The following ZNF800 variants were observed in gnomAD, a reference collection of about 807,000 sequenced individuals.
The protein encoded by ZNF800 is zinc finger protein 800.
ZNF800 carries 13 observed loss-of-function variants against 59.5 expected under a neutral mutation model. That is an observed-to-expected ratio of 0.22 (90% CI 0.14 to 0.35). The LOEUF (loss-of-function observed/expected upper bound fraction) is 0.35. ZNF800 is among the 10% of genes least tolerant of loss of function. The pLI, the probability that ZNF800 is intolerant of heterozygous loss-of-function variation, is 1.00. For synonymous variants in ZNF800, 266 were observed against 265.7 expected, an observed-to-expected ratio of 1.00 and a Z score of -0.01; for missense variants, 621 against 783.7, an observed-to-expected ratio of 0.79 and a Z score of 2.48.
intron 2 of ZNF800, among the ~76,000 whole-genome samples, chr7:127,389,610 G>A (rs906946252): frequency 3.9e-5 from 6 of 152,022 alleles, no homozygotes; most frequent in Non-Finnish European, 8.8e-5. Context: ...CTGAAATAAT[G>A]ACAATGAACT....
At chr7:127,349,016 C>A (rs73445355) in intron 1 of ZNF800, among the ~76,000 whole-genome samples, 4 of 151,888 alleles carry the variant, frequency 2.6e-5, no homozygotes, top group African/African-American at 9.7e-5. Context: ...AAGCTACTGT[C>A]TTTTGTGACA....
chr7:127,390,458 AT>A (rs2117221837), intron 2 of ZNF800, among the ~76,000 whole-genome samples: 1 of 152,272 alleles, frequency 6.6e-6, no homozygotes, highest in Non-Finnish European at 1.5e-5. Context: ...TGTAGTACGA[AT>A]TTTATCCTCA....
At chr7:127,389,128 T>C (rs1175319339) in intron 2 of ZNF800, among the ~76,000 whole-genome samples, 3 of 152,058 alleles carry the variant, frequency 2.0e-5, no homozygotes, top group Admixed American at 6.6e-5. Flanking sequence ...ATTTATGACG[T>C]ATGGGACTTG....
At chr7:127,349,995 G>A (rs1035573484) in intron 1 of ZNF800, 2 of 152,168 alleles carry the variant, frequency 1.3e-5, no homozygotes, top group African/African-American at 4.8e-5. Context: ...CCTTTGAGAA[G>A]CTCTAGCTAG....
intron 5 of ZNF800, chr7:127,372,661 C>T (rs1335613111): frequency 1.0e-6 from 1 of 984,788 alleles, no homozygotes; most frequent in Non-Finnish European, 1.2e-6. Context: ...GCATTGTTTC[C>T]ATAGATCAAA....
downstream of ZNF800, among the ~76,000 whole-genome samples, chr7:127,368,285 C>T (rs576035312): frequency 3.3e-5 from 5 of 152,196 alleles, no homozygotes; most frequent in African/African-American, 1.2e-4. Context: ...GTGTTTAATG[C>T]CTCAAAAACC....
chr7:127,387,422 G>A (rs940326949), intron 2 of ZNF800, among the ~76,000 whole-genome samples: 3 of 152,118 alleles, frequency 2.0e-5, no homozygotes, highest in African/African-American at 4.8e-5. Context: ...TTCTGATAGC[G>A]GGGCTAAACT....
At chr7:127,349,142 A>G (rs949107147) in intron 1 of ZNF800, among the ~76,000 whole-genome samples, 1 of 152,206 alleles carries the variant, frequency 6.6e-6, no homozygotes, top group African/African-American at 2.4e-5. Flanking sequence ...AGTTTGCTAA[A>G]AACAGAAAAA....
intron 3 of ZNF800, among the ~76,000 whole-genome samples, chr7:127,378,926 A>G (rs534533113): frequency 6.6e-6 from 1 of 152,248 alleles, no homozygotes; most frequent in South Asian, 2.1e-4. Flanking sequence ...AACAAACCTA[A>G]CCAAACCTAA....
chr7:127,371,965 T>C (rs1181198253), intron 5 of ZNF800, 151 bp from the exon 6 acceptor site: 2 of 583,666 alleles, frequency 3.4e-6, no homozygotes, highest in African/African-American at 1.9e-5. Flanking sequence ...AACCACAACA[T>C]TTAACCCTCA....
At chr7:127,343,180 C>T (rs1799998565), downstream of ZNF800, among the ~76,000 whole-genome samples, 1 of 151,332 alleles carries the variant, frequency 6.6e-6, no homozygotes, top group Non-Finnish European at 1.5e-5. Flanking sequence ...ACAAAACATT[C>T]ATAAAGCAAC....
At position 127,372,941 on chromosome 7, in the gene ZNF800, C is replaced by T. The variant is rs1420930722; in HGVS notation, c.1994+401G>A. ...CACAAGTTCATTCTAATATATTTAA[C>T]TTTCCTACAATTCATTAATTAGTAG... On this transcript the variant is annotated intron_variant, in intron 5 of 5. Coordinates refer to ENST00000265827, the MANE Select transcript of ZNF800 (RefSeq NM_176814.5). 7.1e-6 allele frequency: 7 copies of T among 984,750 alleles called. No homozygotes were observed. The African/African-American group carries it at 1.2e-4, about 17-fold the overall frequency. 61.0% of individuals were successfully genotyped at this position (984,750 alleles called of 1,614,324 possible).
At chr7:127,381,771 T>C (rs149300057) in intron 3 of ZNF800, among the ~76,000 whole-genome samples, 11 of 152,180 alleles carry the variant, frequency 7.2e-5, no homozygotes, top group African/African-American at 2.4e-4. Flanking sequence ...ATAACTGCTA[T>C]ATAACAACAA....
intron 1 of ZNF800, among the ~76,000 whole-genome samples, chr7:127,348,952 GTAAAT>G (rs1286402002): frequency 6.6e-6 from 1 of 152,016 alleles, no homozygotes; most frequent in Non-Finnish European, 1.5e-5. Flanking sequence ...AAAGTTCTGC[GTAAAT>G]TACAGTATTA....
intron 1 of ZNF800, chr7:127,350,524 A>G (rs1213553582): frequency 3.9e-5 from 6 of 152,228 alleles, no homozygotes; most frequent in Non-Finnish European, 1.5e-5. Flanking sequence ...AAAGGTACGT[A>G]TTTAATAGAA....
Position 127,391,939 on chromosome 7 carries a change from G to C in ZNF800, c.-59+121C>G, listed in dbSNP as rs566964834. ...AGCGCGGCGGGCACCGCCGGGCTCC[G>C]GGACTACGGAGGTGCCGCTCCCGCC... On this transcript the variant is annotated intron_variant, in intron 1 of 5. Transcript: ENST00000265827. The C allele has an allele frequency of 6.1e-4, 226 of 372,418 alleles. 1 individual carries two copies. The highest frequency in any genetic ancestry group is 4.0e-3 in the African/African-American group (191 of 47,550). 23.1% of individuals were successfully genotyped at this position (372,418 alleles called of 1,614,324 possible).
downstream of ZNF800, among the ~76,000 whole-genome samples, chr7:127,367,555 A>T (rs1372849278): frequency 6.6e-6 from 1 of 152,186 alleles, no homozygotes; most frequent in Non-Finnish European, 1.5e-5. Flanking sequence ...CTTGGCATAT[A>T]ACAAGCATGC....
chr7:127,342,937 G>A (rs1211918140), downstream of ZNF800, among the ~76,000 whole-genome samples: 1 of 151,936 alleles, frequency 6.6e-6, no homozygotes, highest in Admixed American at 6.6e-5. Context: ...TTATTAAAAA[G>A]AAAGTAGGAT....
chr7:127,352,579 AC>A (rs768212127), intron 1 of ZNF800, among the ~76,000 whole-genome samples: 1 of 151,904 alleles, frequency 6.6e-6, no homozygotes, highest in Non-Finnish European at 1.5e-5. Context: ...TCACCAAGCA[AC>A]CTTCTGATTA....
Sources: allele counts gnomAD v4.1 joint callset (sites outside exome capture counted in the v4.1 genomes callset), GRCh38; gene constraint gnomAD v4.1.1; transcripts MANE v1.5; gene names NCBI Gene and HGNC (gene_info 2026-07-23, HGNC 2026-07-21).